The following NRG1 variants were observed in gnomAD, a reference collection of about 807,000 sequenced individuals.
NRG1 encodes the protein neuregulin 1.
In NRG1, 18 loss-of-function variants were observed where a neutral mutation model predicts 63.8. The observed-to-expected ratio is 0.28, with a 90% CI of 0.19 to 0.42. NRG1 has a LOEUF of 0.42. NRG1 is among the 10% of genes least tolerant of loss of function. The pLI is 1.00. For missense variants in NRG1, 762 were observed against 814.7 expected, an observed-to-expected ratio of 0.94 and a Z score of 0.79; for synonymous variants, 302 against 301.3, an observed-to-expected ratio of 1.00 and a Z score of -0.02.
chr8:32,429,225 T>C (rs1817822162), intron 1 of NRG1, among the ~76,000 whole-genome samples: 1 of 152,178 alleles, frequency 6.6e-6, no homozygotes, highest in African/African-American at 2.4e-5. Context: ...TACCCTCCTC[T>C]TTGTTTTTTA....
intron 3 of NRG1, among the ~76,000 whole-genome samples, chr8:32,612,338 A>G (rs939940245): frequency 3.9e-5 from 6 of 152,094 alleles, no homozygotes; most frequent in Admixed American, 2.6e-4. Flanking sequence ...GAGTGGTTTT[A>G]ATTAAAAAGA....
rs748701529 is a variant in NRG1, at chr8:32,510,119, A to AATC, written c.38-85707_38-85706insCAT. Among the ~76,000 whole-genome samples, 10 of 106,710 alleles carry AATC rather than the reference A, an allele frequency of 9.4e-5. No individual in the cohort carries two copies. The Admixed American group carries it at 9.6e-4, about 10-fold the overall frequency. The allele number at this position is 106,710 out of a possible 152,430, so 70.0% of individuals were successfully genotyped here. On this transcript the variant is annotated intron_variant, in intron 1 of 10. Coordinates refer to the NRG1 transcript ENST00000519301. ...CAAAAATAATAATAATAATAATAAT[A>AATC]ATAATAATCATAAAAGCAAGGGAGG...
At chr8:31,992,845 AT>A (rs1449056044) in intron 1 of NRG1, among the ~76,000 whole-genome samples, 2 of 152,028 alleles carry the variant, frequency 1.3e-5, no homozygotes, top group African/African-American at 4.8e-5. Context: ...TTTTCCCAGA[AT>A]AAATGAGTAG....
At chr8:31,900,708 A>G (rs572299431) in intron 1 of NRG1, among the ~76,000 whole-genome samples, 2 of 152,298 alleles carry the variant, frequency 1.3e-5, no homozygotes, top group Admixed American at 6.5e-5. Context: ...TTCGTGGCGT[A>G]TATAAACTCC....
intron 1 of NRG1, among the ~76,000 whole-genome samples, chr8:32,040,775 A>AT (rs1819899801): frequency 7.7e-6 from 1 of 129,920 alleles, no homozygotes; most frequent in Admixed American, 7.4e-5. Context: ...ATATGCGCCT[A>AT]AATTTCAGCA....
At chr8:32,283,819 G>C (rs1853177758) in intron 1 of NRG1, among the ~76,000 whole-genome samples, 2 of 152,148 alleles carry the variant, frequency 1.3e-5, no homozygotes, top group Non-Finnish European at 2.9e-5. Flanking sequence ...TTTTGGAATG[G>C]CCTGAGCTGA....
At chr8:31,660,313 T>A (rs1449142296) in intron 1 of NRG1, among the ~76,000 whole-genome samples, 1 of 152,092 alleles carries the variant, frequency 6.6e-6, no homozygotes, top group African/African-American at 2.4e-5. Flanking sequence ...TTGACCAGGA[T>A]TAAGCCACCA....
At chr8:32,122,677 G>T (rs1833609590) in intron 1 of NRG1, among the ~76,000 whole-genome samples, 1 of 151,646 alleles carries the variant, frequency 6.6e-6, no homozygotes, top group Non-Finnish European at 1.5e-5. Context: ...ACAATGTGCA[G>T]GTTACTTACA....
intron 2 of NRG1, among the ~76,000 whole-genome samples, chr8:32,603,794 C>A (rs1306822010): frequency 6.6e-6 from 1 of 152,148 alleles, no homozygotes; most frequent in Non-Finnish European, 1.5e-5. Context: ...ACTTTTCAAC[C>A]CCTATGTTGG....
intron 1 of NRG1, among the ~76,000 whole-genome samples, chr8:31,704,699 G>A (rs959860840): frequency 1.3e-5 from 2 of 151,818 alleles, no homozygotes; most frequent in African/African-American, 4.8e-5. Context: ...AGGCGTGGTG[G>A]CGGGCGCCTG....
At chr8:32,539,559 C>A (rs765277628) in intron 1 of NRG1, among the ~76,000 whole-genome samples, 47 of 151,934 alleles carry the variant, frequency 3.1e-4, no homozygotes, top group African/African-American at 1.1e-3. Flanking sequence ...GCTTTTTTTG[C>A]GGGGAAGAGA....
chr8:32,015,333 T>G (rs1201320282), intron 1 of NRG1, among the ~76,000 whole-genome samples: 1 of 152,174 alleles, frequency 6.6e-6, no homozygotes, highest in East Asian at 1.9e-4. Context: ...GTCCATTAGA[T>G]GCAGTTGAGC....
chr8:32,385,897 A>G (rs1810959264), intron 1 of NRG1, among the ~76,000 whole-genome samples: 1 of 152,220 alleles, frequency 6.6e-6, no homozygotes, highest in African/African-American at 2.4e-5. Flanking sequence ...CTGCTGTCAG[A>G]TAAGAGAATC....
chr8:32,194,339 A>G (rs984927044), intron 1 of NRG1, among the ~76,000 whole-genome samples: 3 of 152,206 alleles, frequency 2.0e-5, no homozygotes, highest in African/African-American at 7.2e-5. Context: ...ACTTTATTCA[A>G]ATTCAAGAGT....
intron 1 of NRG1, among the ~76,000 whole-genome samples, chr8:32,015,431 G>C (rs1280514365): frequency 6.6e-6 from 1 of 152,110 alleles, no homozygotes; most frequent in Non-Finnish European, 1.5e-5. Context: ...AAAGGAAATA[G>C]CATTGTATTT....
exon 12 of NRG1, chr8:32,765,602 C>G (rs553513107): frequency 6.6e-6 from 1 of 152,248 alleles, no homozygotes; most frequent in Admixed American, 6.5e-5. Flanking sequence ...TTGCCTTGAT[C>G]AGGTCATAAC....
chr8:31,853,383 G>A (rs1248302851), intron 1 of NRG1, among the ~76,000 whole-genome samples: 1 of 150,040 alleles, frequency 6.7e-6, no homozygotes, highest in Non-Finnish European at 1.5e-5. Context: ...ATTGTGAATG[G>A]GAGTTCACTC....
chr8:31,778,120 T>C (rs1211215519), intron 1 of NRG1, among the ~76,000 whole-genome samples: 1 of 152,178 alleles, frequency 6.6e-6, no homozygotes, highest in African/African-American at 2.4e-5. Context: ...CATCTAAAAC[T>C]TGAGTAATTT....
rs1215812947 is a variant in NRG1 at position 32,668,787 on chromosome 8, TTAGAAA to T, written c.502+51909_502+51914del. On this transcript the variant is annotated intron_variant, in intron 5 of 11. Coordinates refer to ENST00000356819, the Ensembl canonical transcript of NRG1. ...ATTGCTGACTCAAGACTATATAATG[TTAGAAA>T]TAGAAAAAAGATAAGAACATGTTAG... Among the ~76,000 whole-genome samples, 3 of 152,304 alleles carry T rather than the reference TTAGAAA, an allele frequency of 2.0e-5. No homozygotes were observed. In the East Asian group the frequency reaches 5.8e-4, roughly 29 times the overall value.
Sources: gnomAD v4.1 joint callset for allele counts (sites outside exome capture counted in the v4.1 genomes callset) on GRCh38, gnomAD v4.1.1 for gene constraint, MANE v1.5 for transcripts, NCBI Gene and HGNC (gene_info 2026-07-23, HGNC 2026-07-21) for gene names.